The following ABTB2 variants were observed in gnomAD, a reference collection of about 807,000 sequenced individuals.
The protein encoded by ABTB2 is ankyrin repeat and BTB domain containing 2.
In ABTB2, 56 loss-of-function variants were observed where a neutral mutation model predicts 104.1. The ratio of observed to expected loss-of-function variants is 0.54; its 90% confidence interval spans 0.43 to 0.67. The LOEUF is 0.67. Among genes scored for constraint, ABTB2 ranks in the 30% least tolerant of loss-of-function variants. The pLI, the probability that ABTB2 is intolerant of heterozygous loss-of-function variation, is 0.00. For missense variants in ABTB2, 1,279 were observed against 1,407.7 expected (o/e 0.91, Z 1.46); for synonymous variants, 606 against 608.2 (o/e 1.00, Z 0.05).
At chr11:34,328,664 G>T (rs954847611) in intron 1 of ABTB2, among the ~76,000 whole-genome samples, 1 of 152,164 alleles carries the variant, frequency 6.6e-6, no homozygotes, top group Non-Finnish European at 1.5e-5. Context: ...GCCGGCCACC[G>T]GGCAGGCATT....
At chr11:34,221,689 G>T (rs978523101) in intron 1 of ABTB2, among the ~76,000 whole-genome samples, 10 of 152,274 alleles carry the variant, frequency 6.6e-5, no homozygotes, top group Admixed American at 5.9e-4. Context: ...CCTCTGGCCA[G>T]AACATTCACC....
intron 1 of ABTB2, among the ~76,000 whole-genome samples, chr11:34,236,078 T>C (rs1055253952): frequency 3.3e-5 from 5 of 152,060 alleles, no homozygotes; most frequent in African/African-American, 1.2e-4. Flanking sequence ...GGTACACCCC[T>C]GCAAGGAAGA....
chr11:34,340,040 C>CAAA (rs1261587063), intron 1 of ABTB2, among the ~76,000 whole-genome samples: 1 of 134,498 alleles, frequency 7.4e-6, no homozygotes, highest in East Asian at 2.4e-4. Flanking sequence ...GCCCCACCAT[C>CAAA]CTCCAAACAA....
chr11:34,270,746 T>C (rs1854304932), intron 1 of ABTB2, among the ~76,000 whole-genome samples: 1 of 152,200 alleles, frequency 6.6e-6, no homozygotes, highest in African/African-American at 2.4e-5. Context: ...AGCATTTGCC[T>C]ATCTAGAGGG....
chr11:34,171,979 G>A (rs1852880898), intron 4 of ABTB2, among the ~76,000 whole-genome samples: 1 of 152,130 alleles, frequency 6.6e-6, no homozygotes, highest in Non-Finnish European at 1.5e-5. Flanking sequence ...TGGAGCCTTG[G>A]TTGGGCCAAA....
intron 16 of ABTB2, 133 bp from the exon 17 acceptor site, chr11:34,152,717 TC>T: frequency 1.3e-6 from 1 of 797,154 alleles, no homozygotes; most frequent in Non-Finnish European, 2.0e-6. Context: ...GCGTTCCCTG[TC>T]CCTGCATCCT....
intron 1 of ABTB2, among the ~76,000 whole-genome samples, chr11:34,288,321 C>G (rs1249386535): frequency 6.6e-6 from 1 of 152,148 alleles, no homozygotes; most frequent in Admixed American, 6.6e-5. Flanking sequence ...TTCTATCCAT[C>G]CTTTTATCCA....
chr11:34,293,957 C>A (rs185437730), intron 1 of ABTB2, among the ~76,000 whole-genome samples: 1 of 152,168 alleles, frequency 6.6e-6, no homozygotes, highest in African/African-American at 2.4e-5. Context: ...AAAATGTTAA[C>A]ACTTGGGAAT....
intron 5 of ABTB2, among the ~76,000 whole-genome samples, chr11:34,168,674 G>A (rs760905458): frequency 2.6e-5 from 4 of 152,224 alleles, no homozygotes; most frequent in Admixed American, 6.5e-5. Flanking sequence ...GCCTCCATAA[G>A]CTGTGAAGCC....
At chr11:34,299,171 T>A (rs939059628) in intron 1 of ABTB2, among the ~76,000 whole-genome samples, 1 of 152,182 alleles carries the variant, frequency 6.6e-6, no homozygotes, top group Non-Finnish European at 1.5e-5. Flanking sequence ...ACTAAAAGAA[T>A]CAAAGTCAAA....
chr11:34,355,030 A>T (rs1465469387), intron 1 of ABTB2, among the ~76,000 whole-genome samples: 2 of 152,252 alleles, frequency 1.3e-5, no homozygotes, highest in Admixed American at 1.3e-4. Context: ...ATCAACTGAG[A>T]TTCAGGACTG....
intron 1 of ABTB2, among the ~76,000 whole-genome samples, chr11:34,273,772 C>T (rs1854348382): frequency 6.6e-6 from 1 of 152,134 alleles, no homozygotes; most frequent in Non-Finnish European, 1.5e-5. Flanking sequence ...AACTCAGACA[C>T]CTTTGACTGC....
intron 1 of ABTB2, among the ~76,000 whole-genome samples, chr11:34,206,704 G>A (rs780030613): frequency 2.0e-5 from 3 of 152,162 alleles, no homozygotes; most frequent in Non-Finnish European, 2.9e-5. Context: ...TCTTTGTTGA[G>A]GAAATGCACA....
rs116898759 is a variant in ABTB2, at chr11:34,235,747, C to A, written c.884-31057G>T. 3.4e-3 allele frequency among the ~76,000 whole-genome samples: 525 copies of A among 152,298 alleles called. 4 individuals are homozygous for A. The highest frequency in any genetic ancestry group is 4.6e-3 in the Non-Finnish European group (314 of 68,026). ...TATGAAGTAGCAACAAGTGATCCATCGCTAATTGCACTTTGCAGAGCTTTT... is the reference window on the plus strand; with the variant it reads ...TATGAAGTAGCAACAAGTGATCCATAGCTAATTGCACTTTGCAGAGCTTTT... On this transcript the variant is annotated intron_variant, in intron 1 of 16. Transcript: ENST00000435224.
In ABTB2 at chr11:34,167,998, C is replaced by A; in HGVS notation, c.1564-6G>T. 6.2e-7 allele frequency: 1 copy of A among 1,613,622 alleles called. No homozygotes were observed. The highest frequency in any genetic ancestry group is 1.1e-5 in the South Asian group (1 of 90,998). On this transcript the variant is annotated splice_polypyrimidine_tract_variant and splice_region_variant and intron_variant, in intron 5 of 16. Transcript: ENST00000435224. ...TACATCAGTGGCGTCATACCCTGAG[C>A]AAATCAAATGCACGTGCTAAACTGT...
chr11:34,334,194 C>T (rs999133570), intron 1 of ABTB2, among the ~76,000 whole-genome samples: 1 of 152,102 alleles, frequency 6.6e-6, no homozygotes, highest in African/African-American at 2.4e-5. Flanking sequence ...CTAATGAAAG[C>T]CTTTACATCT....
intron 1 of ABTB2, among the ~76,000 whole-genome samples, chr11:34,225,230 G>A (rs567084292): frequency 7.2e-4 from 110 of 152,348 alleles, no homozygotes; most frequent in Middle Eastern, 3.4e-3. Context: ...GCTCTGACGC[G>A]TTAGAGCAGA....
chr11:34,241,396 C>T (rs529244361), intron 1 of ABTB2, among the ~76,000 whole-genome samples: 1 of 152,246 alleles, frequency 6.6e-6, no homozygotes, highest in Admixed American at 6.5e-5. Flanking sequence ...GTGCCCACCT[C>T]ATCCTCTGGA....
At chr11:34,281,974 ATG>A (rs1854453358) in intron 1 of ABTB2, among the ~76,000 whole-genome samples, 1 of 152,256 alleles carries the variant, frequency 6.6e-6, no homozygotes, top group Non-Finnish European at 1.5e-5. Context: ...TCCATTATAT[ATG>A]TCTTAGTTCG....
Sources: allele counts gnomAD v4.1 joint callset (sites outside exome capture counted in the v4.1 genomes callset), GRCh38; gene constraint gnomAD v4.1.1; transcripts MANE v1.5; gene names NCBI Gene and HGNC (gene_info 2026-07-23, HGNC 2026-07-21).